Variants in GPR176 observed in about 807,000 individuals in gnomAD.
The protein encoded by GPR176 is G protein-coupled receptor 176.
Under a neutral mutation model 35.4 loss-of-function variants are expected in GPR176, and 26 were observed. That is an observed-to-expected ratio of 0.74 (90% confidence interval 0.54 to 1.02). The LOEUF (loss-of-function observed/expected upper bound fraction) is 1.02, where lower values mean the gene tolerates loss of function less well. Among genes scored for constraint, GPR176 ranks in the 50% least tolerant of loss-of-function variants. The pLI is 0.00. For synonymous variants in GPR176, 278 were observed against 271.3 expected (o/e 1.02, Z -0.24); for missense variants, 597 against 665.3 (o/e 0.90, Z 1.13).
chr15:39,801,937 G>T lies in GPR176; in HGVS notation c.743C>A (p.Pro248Gln). The change falls in exon 3 of 3, where the codon CCA becomes CAA. Residue 248 changes from proline to glutamine, a missense_variant. This residue lies in a region of GPR176 where 220 missense variants were observed against 297.6 expected (regional missense o/e 0.74). Coordinates refer to ENST00000561100, the MANE Select transcript of GPR176 (RefSeq NM_007223.3). ...KKVIIAALRT[P>Q]QNTISIPYAS... ...ATAGGGAATAGAGATGGTGTTCTGT[G>T]GGGTCCGGAGCGCTGCTATGATGAC... is the stretch of plus-strand genomic sequence containing the variant. 1 of 1,614,050 alleles carries T rather than the reference G, an allele frequency of 6.2e-7. No individual in the cohort carries two copies.
At chr15:39,875,922 T>TAA (rs143689424) in intron 1 of GPR176, among the ~76,000 whole-genome samples, 11 of 149,618 alleles carry the variant, frequency 7.4e-5, no homozygotes. Context: ...GTTTAACTCA[T>TAA]ATATATATAT....
At chr15:39,909,944 A>C (rs2033532408) in intron 1 of GPR176, 1 of 919,774 alleles carries the variant, frequency 1.1e-6, no homozygotes. Flanking sequence ...TTCACAAGGA[A>C]ACATTTTTCT....
At chr15:39,862,699 G>T (rs548486790) in intron 1 of GPR176, among the ~76,000 whole-genome samples, 21 of 152,306 alleles carry the variant, frequency 1.4e-4, no homozygotes, top group Non-Finnish European at 2.5e-4. Flanking sequence ...ATGCTGGTGT[G>T]AACAAACCTG....
At chr15:39,863,741 T>G (rs1234000665) in intron 1 of GPR176, among the ~76,000 whole-genome samples, 1 of 152,174 alleles carries the variant, frequency 6.6e-6, no homozygotes, top group Non-Finnish European at 1.5e-5. Flanking sequence ...AAACTGTAAT[T>G]TTACTCTACC....
chr15:39,823,389 T>C (rs577536016), intron 1 of GPR176, among the ~76,000 whole-genome samples: 2 of 152,232 alleles, frequency 1.3e-5, no homozygotes, highest in East Asian at 3.9e-4. Context: ...GATACCTCCA[T>C]CCCCCTGGTT....
In GPR176 at chr15:39,801,907, G is replaced by C. The variant is rs1346494474; in HGVS notation, c.773C>G (p.Ser258Cys). 6.2e-7 allele frequency: 1 copy of C among 1,614,100 alleles called. No homozygotes were observed. The change falls in exon 3 of 3, where the codon TCC (serine) becomes TGC (cysteine). Residue 258 changes from serine to cysteine, a missense_variant. By Grantham distance (112) the Ser-to-Cys change is moderately radical. Around this residue, in one of 3 missense-constraint regions of GPR176, gnomAD observed 220 missense variants for 297.6 expected, o/e 0.74. Transcript: ENST00000561100. ...PQNTISIPYA[S>C]QREAELHATL... ...GGCGTGCAGCTCGGCCTCCCGCTGG[G>C]AGGCATAGGGAATAGAGATGGTGTT...
At chr15:39,918,410 G>A (rs1408663523) in intron 1 of GPR176, among the ~76,000 whole-genome samples, 2 of 152,012 alleles carry the variant, frequency 1.3e-5, no homozygotes, top group Admixed American at 6.6e-5. Flanking sequence ...AAAGTTATCC[G>A]TGGGGGAGGG....
At chr15:39,854,173 T>C (rs890108259) in intron 1 of GPR176, among the ~76,000 whole-genome samples, 1 of 152,126 alleles carries the variant, frequency 6.6e-6, no homozygotes, top group Non-Finnish European at 1.5e-5. Context: ...TTTCCTGAGT[T>C]GCTCAGGAAA....
chr15:39,802,124 T>C lies in GPR176; in HGVS notation c.556A>G (p.Ile186Val), dbSNP rs779055251. ...TCCGTGCAGGTGGACGTGGCATAGA[T>C]GTCAGCCACATTGGTTACTGCAAAC... ...PVFAVTNVAD[I>V]YATSTCTEVW... The change falls in exon 3 of 3, where the codon ATC becomes GTC. Residue 186 changes from isoleucine (I) to valine (V), a missense_variant. Physicochemically the swap from Ile to Val is conservative, Grantham distance 29. Transcript: ENST00000561100. 1.9e-6 allele frequency: 3 copies of C among 1,614,118 alleles called. No individual in the cohort carries two copies. Among genetic ancestry groups the C allele is most frequent in the Admixed American group, 3.3e-5 (2 of 60,020 alleles).
At chr15:39,822,202 C>G (rs1053070129) in intron 1 of GPR176, among the ~76,000 whole-genome samples, 8 of 152,230 alleles carry the variant, frequency 5.3e-5, no homozygotes, top group Non-Finnish European at 1.2e-4. Flanking sequence ...CCTTATGAGA[C>G]ACCTTGACCC....
At chr15:39,885,907 C>A (rs1298399336) in intron 1 of GPR176, among the ~76,000 whole-genome samples, 1 of 152,176 alleles carries the variant, frequency 6.6e-6, no homozygotes, top group East Asian at 1.9e-4. Context: ...TCCCTGCTTT[C>A]ACAAGGGAAC....
At chr15:39,889,762 T>C (rs949357371) in intron 1 of GPR176, among the ~76,000 whole-genome samples, 5 of 152,186 alleles carry the variant, frequency 3.3e-5, no homozygotes, top group Admixed American at 2.6e-4. Flanking sequence ...TTTGGTTCCC[T>C]ACTATATCCC....
intron 1 of GPR176, among the ~76,000 whole-genome samples, chr15:39,876,528 G>T (rs1398246555): frequency 6.6e-6 from 1 of 151,748 alleles, no homozygotes; most frequent in Non-Finnish European, 1.5e-5. Flanking sequence ...TAATGTTAAT[G>T]ATGTTGATGT....
At position 39,807,255 on chromosome 15, in the gene GPR176, T is replaced by C; in HGVS notation, c.176A>G (p.Asn59Ser). Residue 59 changes from asparagine (N) to serine (S), a missense_variant, in exon 2 of 3, where the codon AAC becomes AGC. By Grantham distance (46) the Asn-to-Ser change is conservative. Transcript: ENST00000561100. ...GCAAGTTGACCATAACACCATGAAG[T>C]TTCCTGGTCAGATATGAAAGAAAAT... ...VVIFIGSLLG[N>S]FMVLWSTCRT... 1 of 1,516,060 alleles carries C rather than the reference T, an allele frequency of 6.6e-7. No homozygotes were observed. Among genetic ancestry groups the C allele is most frequent in the East Asian group, 2.3e-5 (1 of 42,746 alleles). 93.9% of individuals were successfully genotyped at this position (1,516,060 alleles called of 1,614,324 possible).
intron 1 of GPR176, chr15:39,862,265 T>C (rs1290726426): frequency 2.0e-5 from 3 of 152,230 alleles, no homozygotes; most frequent in Admixed American, 1.3e-4. Flanking sequence ...TTGCTAAAAG[T>C]GTAAAAAGCT....
chr15:39,826,783 C>T (rs1900688694), intron 1 of GPR176, among the ~76,000 whole-genome samples: 1 of 152,212 alleles, frequency 6.6e-6, no homozygotes, highest in South Asian at 2.1e-4. Flanking sequence ...GGCCTGAAAA[C>T]AGTCCCAAAG....
chr15:39,810,522 GAT>G (rs1001058193), intron 1 of GPR176, among the ~76,000 whole-genome samples: 3 of 152,156 alleles, frequency 2.0e-5, no homozygotes, highest in African/African-American at 7.2e-5. Flanking sequence ...AAATGAAAAA[GAT>G]ATTCCAAAAG....
At position 39,880,097 on chromosome 15, in the gene GPR176, C is replaced by T. The variant is rs577377219; in HGVS notation, c.172+39758G>A. Among the ~76,000 whole-genome samples, 7 of 152,284 alleles carry T rather than the reference C, an allele frequency of 4.6e-5. No individual in the cohort carries two copies. In the South Asian group the frequency reaches 8.3e-4, roughly 18 times the overall value. On this transcript the variant is annotated intron_variant, in intron 1 of 2. Coordinates refer to ENST00000561100, the MANE Select transcript of GPR176 (RefSeq NM_007223.3). ...TTCTCAAGACTCAGAACTTCTCTGGCTAGGAAATCTTCAACTCCTGGCACA... is the reference window on the plus strand; with the variant it reads ...TTCTCAAGACTCAGAACTTCTCTGGTTAGGAAATCTTCAACTCCTGGCACA...
intron 1 of GPR176, among the ~76,000 whole-genome samples, chr15:39,820,682 T>C (rs756843140): frequency 4.6e-5 from 7 of 152,156 alleles, no homozygotes; most frequent in Non-Finnish European, 8.8e-5. Flanking sequence ...AGATGTAACA[T>C]GATTTTGGAA....
Sources: gnomAD v4.1 joint callset for allele counts (sites outside exome capture counted in the v4.1 genomes callset) on GRCh38, gnomAD v4.1.1 for gene constraint, gnomAD v4.1.1 regional missense constraint, MANE v1.5 for transcripts, NCBI Gene and HGNC (gene_info 2026-07-23, HGNC 2026-07-21) for gene names.